The following CDH20 variants were observed in gnomAD, a reference collection of about 807,000 sequenced individuals.
CDH20 encodes cadherin-20.
CDH20 carries 29 observed loss-of-function variants against 74.2 expected under a neutral mutation model. That is an observed-to-expected ratio of 0.39 (90% CI 0.29 to 0.53). The LOEUF is 0.53. Among genes scored for constraint, CDH20 ranks in the 20% least tolerant of loss-of-function variants. The probability of loss-of-function intolerance (pLI) is 0.69; values close to 1 mark genes in which losing one functional copy is unlikely to be tolerated. For synonymous variants in CDH20, 469 were observed against 405.4 expected (o/e 1.16, Z -1.88); for missense variants, 988 against 1,048.3 (o/e 0.94, Z 0.79).
At chr18:61,542,625 C>G (rs567893674) in intron 9 of CDH20, among the ~76,000 whole-genome samples, 87 of 152,274 alleles carry the variant, frequency 5.7e-4, no homozygotes, top group African/African-American at 1.7e-3. Context: ...ATGGGTGTCT[C>G]AGTCGGTTTG....
At chr18:61,458,052 G>T (rs1305901884) in intron 1 of CDH20, among the ~76,000 whole-genome samples, 3 of 152,106 alleles carry the variant, frequency 2.0e-5, no homozygotes, top group Non-Finnish European at 4.4e-5. Flanking sequence ...CTGTCTTTCT[G>T]ATCATGGCAT....
intron 2 of CDH20, among the ~76,000 whole-genome samples, chr18:61,496,057 TCTC>T: frequency 3.2e-5 from 1 of 31,690 alleles, no homozygotes. Flanking sequence ...CTCTCCCCCC[TCTC>T]TCCTCCCTTC....
intron 1 of CDH20, among the ~76,000 whole-genome samples, chr18:61,391,261 T>C (rs148057510): frequency 2.0e-4 from 31 of 152,248 alleles, no homozygotes; most frequent in African/African-American, 6.3e-4. Flanking sequence ...CAAGTTAAAA[T>C]ACTGAATTTT....
chr18:61,477,359 G>A (rs889319024), intron 1 of CDH20, among the ~76,000 whole-genome samples: 2 of 152,160 alleles, frequency 1.3e-5, no homozygotes, highest in Non-Finnish European at 2.9e-5. Flanking sequence ...CCAGTCTAGG[G>A]TCAGCTAATT....
chr18:61,434,626 C>T (rs1415763835), intron 1 of CDH20, among the ~76,000 whole-genome samples: 1 of 152,020 alleles, frequency 6.6e-6, no homozygotes, highest in African/African-American at 2.4e-5. Flanking sequence ...CAAAATTTGT[C>T]CTGGGAGGTC....
chr18:61,500,649 C>A, intron 4 of CDH20, 147 bp downstream of exon 4: 1 of 731,666 alleles, frequency 1.4e-6, no homozygotes, highest in Non-Finnish European at 2.1e-6. Context: ...ATTAAGAGAG[C>A]AAACTAGCAC....
intron 1 of CDH20, among the ~76,000 whole-genome samples, chr18:61,345,725 G>A (rs571347385): frequency 6.6e-6 from 1 of 152,250 alleles, no homozygotes; most frequent in Non-Finnish European, 1.5e-5. Context: ...TCTGAATCAA[G>A]AACCCAGATG....
chr18:61,367,116 C>T (rs943352054), intron 1 of CDH20, among the ~76,000 whole-genome samples: 1 of 152,136 alleles, frequency 6.6e-6, no homozygotes, highest in African/African-American at 2.4e-5. Context: ...AAGGTGCACA[C>T]TTTTAAAACA....
chr18:61,533,155 T>A (rs1019775376), intron 7 of CDH20, among the ~76,000 whole-genome samples: 1 of 151,960 alleles, frequency 6.6e-6, no homozygotes, highest in Non-Finnish European at 1.5e-5. Context: ...TAAAAAAAAT[T>A]TAATTATCCA....
chr18:61,521,971 G>C (rs1912226440), intron 6 of CDH20, among the ~76,000 whole-genome samples: 1 of 152,124 alleles, frequency 6.6e-6, no homozygotes, highest in Admixed American at 6.5e-5. Context: ...TATACTGATT[G>C]GGCAAAAGCT....
intron 2 of CDH20, among the ~76,000 whole-genome samples, chr18:61,495,583 G>T (rs1352044390): frequency 4.6e-5 from 7 of 152,166 alleles, no homozygotes; most frequent in Non-Finnish European, 7.4e-5. Flanking sequence ...GAGTCCCAGG[G>T]AACAGGGGCA....
At chr18:61,431,043 T>C (rs1464758218) in intron 1 of CDH20, among the ~76,000 whole-genome samples, 3 of 152,184 alleles carry the variant, frequency 2.0e-5, no homozygotes, top group African/African-American at 7.2e-5. Context: ...GACCTATGTA[T>C]CTGTAATTCT....
Position 61,532,935 on chromosome 18 carries a change from A to G in CDH20, c.1272-3558A>G, listed in dbSNP as rs1257723432. ...AATCAAACACAGTAGTTATAACTCC[A>G]TAAAGATGGCTTCAAGTCTTACCTC... On this transcript the variant is annotated intron_variant, in intron 7 of 11. Transcript: ENST00000262717. 1.4e-4 allele frequency among the ~76,000 whole-genome samples: 22 copies of G among 152,210 alleles called. 1 individual carries two copies. The highest frequency in any genetic ancestry group is 3.2e-4 in the Non-Finnish European group (22 of 68,042).
At chr18:61,485,102 G>T (rs1210725377) in intron 1 of CDH20, among the ~76,000 whole-genome samples, 3 of 152,122 alleles carry the variant, frequency 2.0e-5, no homozygotes, top group Admixed American at 2.0e-4. Flanking sequence ...TAAATAATGA[G>T]AATTAGAATA....
At chr18:61,347,319 T>TATATATATATAC (rs869054502) in intron 1 of CDH20, among the ~76,000 whole-genome samples, 3 of 77,398 alleles carry the variant, frequency 3.9e-5, no homozygotes, top group South Asian at 4.6e-4. Context: ...TATATATATA[T>TATATATATATAC]ACACACACAC....
At chr18:61,407,647 G>T (rs1421708608) in intron 1 of CDH20, among the ~76,000 whole-genome samples, 1 of 152,152 alleles carries the variant, frequency 6.6e-6, no homozygotes, top group South Asian at 2.1e-4. Flanking sequence ...CCGATAGAAT[G>T]TACTGAGAAG....
At chr18:61,550,281 G>A (rs776382093) in intron 11 of CDH20, 52 bp downstream of exon 11, 2 of 1,580,146 alleles carry the variant, frequency 1.3e-6, no homozygotes, top group Non-Finnish European at 8.6e-7. Context: ...TGCGCACTCA[G>A]ACATTTGTTC....
intron 1 of CDH20, among the ~76,000 whole-genome samples, chr18:61,438,890 G>A (rs1041804398): frequency 6.6e-6 from 1 of 152,140 alleles, no homozygotes; most frequent in Non-Finnish European, 1.5e-5. Context: ...TAAAGAAAAT[G>A]TGGTACATAT....
intron 1 of CDH20, among the ~76,000 whole-genome samples, chr18:61,425,599 C>T (rs996782883): frequency 5.9e-5 from 9 of 152,130 alleles, no homozygotes; most frequent in African/African-American, 2.2e-4. Flanking sequence ...TGAAGTAACT[C>T]AGGAATGGAA....
Sources: gnomAD v4.1 joint callset for allele counts (sites outside exome capture counted in the v4.1 genomes callset) on GRCh38, gnomAD v4.1.1 for gene constraint, MANE v1.5 for transcripts, NCBI Gene and HGNC (gene_info 2026-07-23, HGNC 2026-07-21) for gene names.